OR3A2: variants seen among roughly 807,000 people sequenced by gnomAD.
OR3A2 encodes olfactory receptor 3A2.
For missense variants in OR3A2, 318 were observed against 392.8 expected, an observed-to-expected ratio of 0.81 and a Z score of 1.61; for synonymous variants, 126 against 159.3, an observed-to-expected ratio of 0.79 and a Z score of 1.57.
At chr17:3,367,587 A>ATGTGTGTGTGTG (rs1384377907) in intron 2 of OR3A2, among the ~76,000 whole-genome samples, 23 of 104,082 alleles carry the variant, frequency 2.2e-4, no homozygotes, top group African/African-American at 1.1e-3. Flanking sequence ...GTATATGTAT[A>ATGTGTGTGTGTG]TGTGTGTGTG....
At chr17:3,375,772 C>A (rs1004413809) in intron 2 of OR3A2, among the ~76,000 whole-genome samples, 1 of 152,190 alleles carries the variant, frequency 6.6e-6, no homozygotes, top group African/African-American at 2.4e-5. Flanking sequence ...TCTTCAGGTT[C>A]TTTTGTCCCA....
chr17:3,306,477 G>C (rs370017577), intron 3 of OR3A2, among the ~76,000 whole-genome samples: 3 of 152,066 alleles, frequency 2.0e-5, no homozygotes, highest in Non-Finnish European at 4.4e-5. Context: ...CCTCATCCAG[G>C]AGGCACCAGA....
intron 3 of OR3A2, chr17:3,310,080 C>G (rs946581643): frequency 7.0e-6 from 2 of 286,210 alleles, no homozygotes; most frequent in African/African-American, 4.3e-5. Flanking sequence ...CTGTTTGAGT[C>G]TGTCCAATGC....
chr17:3,341,004 C>T (rs2049312980), intron 2 of OR3A2, among the ~76,000 whole-genome samples: 2 of 152,238 alleles, frequency 1.3e-5, no homozygotes, highest in African/African-American at 4.8e-5. Flanking sequence ...GAATTGATCC[C>T]TTTACCATTA....
intron 3 of OR3A2, among the ~76,000 whole-genome samples, chr17:3,333,670 A>C (rs952502807): frequency 2.0e-5 from 3 of 152,210 alleles, no homozygotes; most frequent in African/African-American, 7.2e-5. Context: ...CCTGCATTGA[A>C]ATATTGGGGG....
intron 3 of OR3A2, among the ~76,000 whole-genome samples, chr17:3,331,270 A>T (rs2049230478): frequency 6.6e-6 from 1 of 152,030 alleles, no homozygotes; most frequent in Non-Finnish European, 1.5e-5. Flanking sequence ...CTGCCTTGCT[A>T]GATTGGGGAA....
At chr17:3,379,346 G>A (rs2049713632) in intron 2 of OR3A2, among the ~76,000 whole-genome samples, 1 of 152,132 alleles carries the variant, frequency 6.6e-6, no homozygotes, top group Non-Finnish European at 1.5e-5. Context: ...TTCAGAACAA[G>A]GAACAGAAGT....
At chr17:3,332,380 C>G (rs1376516235) in intron 3 of OR3A2, among the ~76,000 whole-genome samples, 1 of 152,218 alleles carries the variant, frequency 6.6e-6, no homozygotes, top group Non-Finnish European at 1.5e-5. Flanking sequence ...GGGCGTAGGA[C>G]CCTCCGAGCC....
intron 1 of OR3A2, among the ~76,000 whole-genome samples, chr17:3,280,084 C>G (rs141686318): frequency 2.6e-4 from 39 of 152,272 alleles, no homozygotes; most frequent in African/African-American, 9.4e-4. Context: ...CTATTCCTCT[C>G]TAAAACCAAA....
At chr17:3,371,918 C>T (rs1424839942) in intron 2 of OR3A2, among the ~76,000 whole-genome samples, 7 of 136,802 alleles carry the variant, frequency 5.1e-5, no homozygotes, top group East Asian at 2.5e-4. Context: ...GCTGGCCGGG[C>T]GGGGGCTGAC....
At chr17:3,332,726 C>T (rs532168208) in intron 3 of OR3A2, among the ~76,000 whole-genome samples, 1 of 152,330 alleles carries the variant, frequency 6.6e-6, no homozygotes, top group Admixed American at 6.5e-5. Flanking sequence ...GGCTCCTCCC[C>T]TCTTATGCCT....
chr17:3,381,343 G>A (rs908707820), intron 2 of OR3A2, among the ~76,000 whole-genome samples: 22 of 148,424 alleles, frequency 1.5e-4, no homozygotes, highest in African/African-American at 5.5e-4. Flanking sequence ...TTAAATTCTA[G>A]ATCCTAAGCA....
intron 2 of OR3A2, among the ~76,000 whole-genome samples, chr17:3,378,573 G>T (rs1368616535): frequency 6.6e-6 from 1 of 152,158 alleles, no homozygotes; most frequent in Non-Finnish European, 1.5e-5. Flanking sequence ...CTTGGTAGGG[G>T]GTGGGGCTCC....
In OR3A2 at chr17:3,382,095, G is replaced by A. The variant is rs139447005; in HGVS notation, c.-179+1709C>T. On this transcript the variant is annotated intron_variant, in intron 2 of 4. Coordinates refer to the OR3A2 transcript ENST00000573491. ...AAAGGAGGTGGGGTTTCCTGGAGGAGTGGAGCTGGGCGGGGTACTGGGATA... is the reference window on the plus strand; with the variant it reads ...AAAGGAGGTGGGGTTTCCTGGAGGAATGGAGCTGGGCGGGGTACTGGGATA... Among the ~76,000 whole-genome samples the A allele has an allele frequency of 5.1e-3, 774 of 152,298 alleles. 3 individuals are homozygous for A. The highest frequency in any genetic ancestry group is 0.018 in the African/African-American group (738 of 41,570).
intron 2 of OR3A2, among the ~76,000 whole-genome samples, chr17:3,359,787 G>C (rs537384887): frequency 6.6e-6 from 1 of 151,524 alleles, no homozygotes; most frequent in South Asian, 2.1e-4. Flanking sequence ...TCCATGGTGT[G>C]TATGTGCCAC....
In OR3A2 at chr17:3,342,567, G is replaced by A. The variant is rs139735696; in HGVS notation, c.-178-6441C>T. On this transcript the variant is annotated intron_variant, in intron 2 of 4. Coordinates refer to the OR3A2 transcript ENST00000573491. Reference sequence around the variant, plus strand: ...GTTTGCCGGAAGTCCACTCCAGACCGTTTGCCTGGGTGTCACCAGTGGAGG... The same window carrying A: ...GTTTGCCGGAAGTCCACTCCAGACCATTTGCCTGGGTGTCACCAGTGGAGG... Among the ~76,000 whole-genome samples the A allele has an allele frequency of 2.9e-4, 44 of 152,300 alleles. 1 individual carries two copies. The East Asian group carries it at 5.4e-3, about 19-fold the overall frequency.
intron 3 of OR3A2, chr17:3,310,595 T>A (rs1362848966): frequency 1.9e-6 from 1 of 538,650 alleles, no homozygotes; most frequent in Non-Finnish European, 3.8e-6. Flanking sequence ...ACAGAAGCAT[T>A]CCCTATAAGG....
chr17:3,361,832 G>A (rs1567568126), intron 2 of OR3A2, among the ~76,000 whole-genome samples: 1 of 151,392 alleles, frequency 6.6e-6, no homozygotes, highest in East Asian at 1.9e-4. Flanking sequence ...ATTTTATTGA[G>A]GATTTTTGCA....
At chr17:3,374,028 A>C (rs2049657286) in intron 2 of OR3A2, among the ~76,000 whole-genome samples, 1 of 152,194 alleles carries the variant, frequency 6.6e-6, no homozygotes, top group South Asian at 2.1e-4. Context: ...TGTCAGTCTG[A>C]GAAAGATTTT....
Sources: gnomAD v4.1 joint callset for allele counts (sites outside exome capture counted in the v4.1 genomes callset) on GRCh38, gnomAD v4.1.1 for gene constraint, MANE v1.5 for transcripts, NCBI Gene and HGNC (gene_info 2026-07-23, HGNC 2026-07-21) for gene names.